IDUA: variants seen among roughly 807,000 people sequenced by gnomAD.
The protein encoded by IDUA is iduronidase alpha-L-.
A neutral mutation model predicts 68.9 loss-of-function variants in IDUA; 65 were observed. That is an observed-to-expected ratio of 0.94 (90% CI 0.77 to 1.16). The LOEUF is 1.16. IDUA is among the 50% of genes most tolerant of loss of function. IDUA has a pLI of 0.00. For synonymous variants in IDUA, 529 were observed against 433.6 expected (o/e 1.22, Z -2.73); for missense variants, 1,046 against 938.0 (o/e 1.12, Z -1.50).
In IDUA at chr4:1,002,459, C is replaced by T. The variant is rs794727896; in HGVS notation, c.1163C>T (p.Thr388Met). The T allele has an allele frequency of 8.4e-6, 13 of 1,553,344 alleles. No homozygotes were observed. Among genetic ancestry groups the T allele is most frequent in the Non-Finnish European group, 4.4e-6 (5 of 1,149,352 alleles). Reference sequence around the variant, plus strand: ...CAGCTGTTGCGCAAGCCGGTGCTCACGGCCATGGGGCTGCTGGCGCTGCTG... The same window carrying T: ...CAGCTGTTGCGCAAGCCGGTGCTCATGGCCATGGGGCTGCTGGCGCTGCTG... ...HVQLLRKPVL[T>M]AMGLLALLDE... The change falls in exon 8 of 14, where the codon ACG becomes ATG. Residue 388 changes from threonine (T) to methionine (M), a missense_variant. Transcript: ENST00000514224.
intron 2 of IDUA, chr4:989,088 G>A: frequency 1.3e-6 from 2 of 1,599,160 alleles, no homozygotes; most frequent in Non-Finnish European, 1.7e-6. Context: ...ACAGCAGCGG[G>A]GCGCAGTCGA....
At chr4:988,386 A>G in intron 2 of IDUA, 1 of 1,056,474 alleles carries the variant, frequency 9.5e-7, no homozygotes, top group Non-Finnish European at 1.1e-6. Context: ...GGCCTTCTGG[A>G]AACACAGAGA....
At chr4:991,470 G>A in intron 2 of IDUA, 1 of 1,612,452 alleles carries the variant, frequency 6.2e-7, no homozygotes, top group Middle Eastern at 1.7e-4. Context: ...TGATGCCGAT[G>A]ACCAGCCCAG....
Position 1,001,775 on chromosome 4 carries a change from C to T in IDUA, c.686C>T (p.Pro229Leu), listed in dbSNP as rs760900176. The T allele has an allele frequency of 2.5e-6, 4 of 1,601,646 alleles. No individual in the cohort carries two copies. The African/African-American group carries it at 4.0e-5, about 16-fold the overall frequency. Residue 229 changes from proline (P) to leucine (L), a missense_variant, in exon 6 of 14, where the codon CCG becomes CTG. Transcript: ENST00000514224. ...GGPGDSFHTP[P>L]RSPLSWGLLR... is the part of the protein sequence containing the mutation. ...CCCGGCGACTCCTTCCACACCCCAC[C>T]GCGATCCCCGCTGAGCTGGGGCCTC... is the stretch of plus-strand genomic sequence containing the variant.
chr4:990,617 C>A, intron 2 of IDUA: 2 of 531,104 alleles, frequency 3.8e-6, no homozygotes, highest in Non-Finnish European at 6.6e-6. Flanking sequence ...ACGTCTAACC[C>A]TTGTCACGTG....
In IDUA at chr4:1,002,362, C is replaced by T. The variant is rs1715143046; in HGVS notation, c.1066C>T (p.His356Tyr). The T allele has an allele frequency of 6.2e-7, 1 of 1,612,842 alleles. No individual in the cohort carries two copies. The highest frequency in any genetic ancestry group is 8.5e-7 in the Non-Finnish European group (1 of 1,179,638). ...CAACGACAATGCCTTCCTGAGCTACCACCCGCACCCCTTCGCGCAGCGCAC... is the reference window on the plus strand; with the variant it reads ...CAACGACAATGCCTTCCTGAGCTACTACCCGCACCCCTTCGCGCAGCGCAC... ...LSNDNAFLSY[H>Y]PHPFAQRTLT... The change falls in exon 8 of 14, where the codon CAC (histidine) becomes TAC (tyrosine). Residue 356 changes from histidine to tyrosine, a missense_variant. Physicochemically the swap from His to Tyr is moderately conservative, Grantham distance 83. Coordinates refer to ENST00000514224, the MANE Select transcript of IDUA (RefSeq NM_000203.5).
At chr4:987,705 G>C in intron 1 of IDUA, 104 bp from the exon 2 acceptor site, 1 of 1,561,366 alleles carries the variant, frequency 6.4e-7, no homozygotes, top group East Asian at 2.3e-5. Context: ...CACGGGCAGC[G>C]CCTGGATCCT....
chr4:991,315 C>T lies in IDUA; in HGVS notation c.299+3366C>T. 1.2e-6 allele frequency: 2 copies of T among 1,612,848 alleles called. No homozygotes were observed. Among genetic ancestry groups the T allele is most frequent in the Non-Finnish European group, 1.7e-6 (2 of 1,179,942 alleles). ...GTCCACCACCTGCCCCACCATGAGGCAAAGCAGGCTGAAGATGCCCACGGA... is the reference window on the plus strand; with the variant it reads ...GTCCACCACCTGCCCCACCATGAGGTAAAGCAGGCTGAAGATGCCCACGGA... On this transcript the variant is annotated intron_variant, in intron 2 of 13. Transcript: ENST00000514224.
chr4:1,002,990 G>A (rs1715199926), intron 9 of IDUA, 46 bp downstream of exon 9: 1 of 1,419,484 alleles, frequency 7.0e-7, no homozygotes, highest in Non-Finnish European at 9.2e-7. Flanking sequence ...TGGGGCTCTG[G>A]AGGGGGCGGC....
At position 1,000,337 on chromosome 4, in the gene IDUA, G is replaced by A. The variant is rs139587242; in HGVS notation, c.300-275G>A. Among the ~76,000 whole-genome samples, 349 of 152,344 alleles carry A rather than the reference G, an allele frequency of 2.3e-3. 2 individuals are homozygous for A. The highest frequency in any genetic ancestry group is 0.014 in the Middle Eastern group (4 of 294). ...CTGCTGCTCGCGACTGGCCTGCCTC[G>A]TGCCACTGAGCCTCAGAGCCATTCC... is the stretch of plus-strand genomic sequence containing the variant. On this transcript the variant is annotated intron_variant, in intron 2 of 13. Transcript: ENST00000514224.
chr4:1,003,876 A>T (rs1715279905), intron 12 of IDUA, 136 bp from the exon 13 acceptor site: 1 of 865,288 alleles, frequency 1.2e-6, no homozygotes, highest in South Asian at 1.3e-5. Flanking sequence ...GGGCAGGAAG[A>T]GTGCCCAGGG....
Position 1,003,446 on chromosome 4 carries a change from G to T in IDUA, c.1626G>T (p.Ala542=). 6.5e-7 allele frequency: 1 copy of T among 1,545,934 alleles called. No homozygotes were observed. Among genetic ancestry groups the T allele is most frequent in the Non-Finnish European group, 8.7e-7 (1 of 1,152,442 alleles). ...LPSLLLVHVC[A]RPEKPPGQVT... is the part of the protein sequence containing the mutation. ...CGCTTTTGCTGGTGCACGTGTGTGC[G>T]CGCCCCGAGAAGCCGCCCGGGCAGG... The change falls in exon 11 of 14, where the codon GCG becomes GCT. Residue 542 remains alanine (A), a synonymous_variant. Transcript: ENST00000514224.
Position 1,000,648 on chromosome 4 carries a change from C to T in IDUA, c.336C>T (p.Thr112=). Residue 112 remains threonine (T), a synonymous_variant, in exon 3 of 14, where the codon ACC becomes ACT. Transcript: ENST00000514224. The part of the protein sequence containing the change: ...STGRGLSYNF[T]HLDGYLDLLR... ...GACGGGGCCTGAGCTACAACTTCAC[C>T]CACCTGGACGGGTACCTGGACCTTC... 1 of 1,612,768 alleles carries T rather than the reference C, an allele frequency of 6.2e-7. No individual in the cohort carries two copies. The highest frequency in any genetic ancestry group is 8.5e-7 in the Non-Finnish European group (1 of 1,179,910).
intron 2 of IDUA, chr4:990,710 C>G: frequency 2.4e-6 from 1 of 416,924 alleles, no homozygotes; most frequent in South Asian, 3.4e-5. Context: ...ATGGTGCCCA[C>G]TGCCCCCCAT....
At chr4:998,131 G>C (rs1714854548) in intron 2 of IDUA, among the ~76,000 whole-genome samples, 1 of 152,182 alleles carries the variant, frequency 6.6e-6, no homozygotes, top group Non-Finnish European at 1.5e-5. Context: ...GGGGAGGAGA[G>C]GTGGTAGGGG....
chr4:1,003,863 C>A, intron 12 of IDUA, 149 bp from the exon 13 acceptor site: 3 of 844,678 alleles, frequency 3.6e-6, no homozygotes, highest in Non-Finnish European at 4.1e-6. Context: ...CCCTCTCCTG[C>A]CTGGGCAGGA....
At chr4:992,679 A>G (rs1714464435) in intron 2 of IDUA, 1 of 159,880 alleles carries the variant, frequency 6.3e-6, no homozygotes, top group African/African-American at 2.4e-5. Context: ...AGCCCGCTGC[A>G]CACAGTCACC....
At chr4:990,051 C>A in intron 2 of IDUA, 1 of 1,601,162 alleles carries the variant, frequency 6.2e-7, no homozygotes, top group Non-Finnish European at 8.5e-7. Flanking sequence ...CGATGACCAG[C>A]AGCTCCGTGG....
chr4:990,592 C>G (rs899471077), intron 2 of IDUA: 14 of 580,876 alleles, frequency 2.4e-5, no homozygotes, highest in Non-Finnish European at 3.7e-5. Context: ...CACGTGCACA[C>G]AGCTGGCCAT....
Sources: allele counts gnomAD v4.1 joint callset (sites outside exome capture counted in the v4.1 genomes callset), GRCh38; gene constraint gnomAD v4.1.1; transcripts MANE v1.5; gene names NCBI Gene and HGNC (gene_info 2026-07-23, HGNC 2026-07-21).